Variants in CPSF3 observed in about 807,000 individuals in gnomAD.
The protein encoded by CPSF3 is cleavage and polyadenylation specific factor 3, also known as cleavage and polyadenylation specificity factor subunit 3.
CPSF3 carries 57 observed loss-of-function variants against 84.1 expected under a neutral mutation model. The observed-to-expected ratio is 0.68, with a 90% CI of 0.55 to 0.85. CPSF3 has a LOEUF of 0.85. Among genes scored for constraint, CPSF3 ranks in the 40% least tolerant of loss-of-function variants. CPSF3 has a pLI of 0.00. For missense variants in CPSF3, 522 were observed against 838.8 expected, an observed-to-expected ratio of 0.62 and a Z score of 4.66; for synonymous variants, 275 against 278.1, an observed-to-expected ratio of 0.99 and a Z score of 0.11.
chr2:9,468,527 G>A (rs1468040411), intron 16 of CPSF3, among the ~76,000 whole-genome samples: 7 of 151,798 alleles, frequency 4.6e-5, no homozygotes, highest in Non-Finnish European at 1.0e-4. Context: ...CCCATGAAAC[G>A]GTTTAACAAA....
At chr2:9,431,255 T>G (rs1424489017) in intron 4 of CPSF3, among the ~76,000 whole-genome samples, 1 of 152,212 alleles carries the variant, frequency 6.6e-6, no homozygotes, top group African/African-American at 2.4e-5. Context: ...TAGGGTCTTA[T>G]GTTGCCCAGG....
rs567333976 is a variant in CPSF3 at position 9,471,438 on chromosome 2, G to A, written c.1952G>A (p.Arg651Gln). ...ACTGCCAACCTTAACTTGGAGACAC[G>A]GGTATGTAGCTGCTCTTTCCTACGT... The part of the protein sequence containing the change: ...GKTANLNLET[R>Q]TVECEEGSED... The change falls in exon 17 of 18, where the codon CGG (arginine) becomes CAG (glutamine). Residue 651 changes from arginine to glutamine, a missense_variant and splice_region_variant. Physicochemically the swap from Arg to Gln is conservative, Grantham distance 43. This residue lies in a region of CPSF3 where 193 missense variants were observed against 231.6 expected (regional missense o/e 0.83). Transcript: ENST00000238112. 2.2e-5 allele frequency: 34 copies of A among 1,572,534 alleles called. 1 individual carries two copies. The highest frequency in any genetic ancestry group is 1.9e-4 in the South Asian group (17 of 90,238).
intron 8 of CPSF3, among the ~76,000 whole-genome samples, chr2:9,441,054 CTT>C (rs1680947270): frequency 6.6e-6 from 1 of 152,332 alleles, no homozygotes; most frequent in African/African-American, 2.4e-5. Context: ...ATACTCATCT[CTT>C]TTGCCGTAGG....
Position 9,459,515 on chromosome 2 carries a change from G to T in CPSF3, c.1699-16G>T. ...CCTAGGTAGGTCACTTCCTAATTCT[G>T]CCTTTTGCTTTCCAGTGGCTGGCAA... is the stretch of plus-strand genomic sequence containing the variant. On this transcript the variant is annotated splice_polypyrimidine_tract_variant and intron_variant, in intron 14 of 17. Coordinates refer to ENST00000238112, the MANE Select transcript of CPSF3 (RefSeq NM_016207.4). 1 of 1,591,900 alleles carries T rather than the reference G, an allele frequency of 6.3e-7. No homozygotes were observed. Among genetic ancestry groups the T allele is most frequent in the Non-Finnish European group, 8.6e-7 (1 of 1,160,192 alleles).
intron 7 of CPSF3, among the ~76,000 whole-genome samples, chr2:9,437,750 C>A (rs545821331): frequency 2.0e-4 from 30 of 152,300 alleles, no homozygotes; most frequent in African/African-American, 7.2e-4. Flanking sequence ...TCCCTAATTC[C>A]AGCACCTTGA....
intron 14 of CPSF3, 125 bp downstream of exon 14, chr2:9,457,152 T>C: frequency 2.9e-6 from 1 of 346,124 alleles, no homozygotes; most frequent in Admixed American, 4.8e-5. Flanking sequence ...AGTATATGTG[T>C]GTGTGTGTGT....
chr2:9,434,221 A>G (rs2148937452), intron 6 of CPSF3, among the ~76,000 whole-genome samples: 1 of 152,126 alleles, frequency 6.6e-6, no homozygotes, highest in East Asian at 1.9e-4. Flanking sequence ...TCTCTACTAA[A>G]AAAATACAAA....
At chr2:9,423,951 C>A (rs979597295) in intron 1 of CPSF3, 128 bp downstream of exon 1, 18 of 1,473,690 alleles carry the variant, frequency 1.2e-5, no homozygotes, top group Non-Finnish European at 1.4e-5. Flanking sequence ...TCCGCGCTTG[C>A]GGGCCAGGCT....
intron 10 of CPSF3, among the ~76,000 whole-genome samples, chr2:9,446,040 G>A (rs1245273067): frequency 6.6e-6 from 1 of 152,226 alleles, no homozygotes; most frequent in East Asian, 1.9e-4. Flanking sequence ...TAAATAAGCA[G>A]CAGCACCAGG....
intron 1 of CPSF3, among the ~76,000 whole-genome samples, chr2:9,425,352 C>G (rs150205075): frequency 5.3e-4 from 80 of 152,220 alleles, no homozygotes; most frequent in African/African-American, 1.9e-3. Flanking sequence ...ATTAAGCAAG[C>G]ATGGATATTG....
Position 9,471,411 on chromosome 2 carries a change from A to G in CPSF3, c.1925A>G (p.Lys642Arg). The G allele has an allele frequency of 6.2e-7, 1 of 1,611,404 alleles. No individual in the cohort carries two copies. The highest frequency in any genetic ancestry group is 8.5e-7 in the Non-Finnish European group (1 of 1,177,560). ...DSILSVTVDG[K>R]TANLNLETRT... Reference sequence around the variant, plus strand: ...ATTCTTAGCGTCACAGTGGACGGGAAAACTGCCAACCTTAACTTGGAGACA... The same window carrying G: ...ATTCTTAGCGTCACAGTGGACGGGAGAACTGCCAACCTTAACTTGGAGACA... The change falls in exon 17 of 18, where the codon AAA (lysine) becomes AGA (arginine). Residue 642 changes from lysine (K) to arginine (R), a missense_variant. Lys to Arg is a conservative substitution (Grantham distance 26). Transcript: ENST00000238112.
intron 16 of CPSF3, among the ~76,000 whole-genome samples, chr2:9,469,228 C>G (rs1486119174): frequency 6.6e-6 from 1 of 152,134 alleles, no homozygotes; most frequent in Non-Finnish European, 1.5e-5. Flanking sequence ...TTAGATCCTT[C>G]ACCCCTTTGG....
At chr2:9,437,018 T>C (rs1463492662) in intron 7 of CPSF3, among the ~76,000 whole-genome samples, 5 of 152,138 alleles carry the variant, frequency 3.3e-5, no homozygotes, top group African/African-American at 4.8e-5. Flanking sequence ...TGAGTAAATA[T>C]AGCATTGTAG....
At chr2:9,455,135 C>CT (rs5829212) in intron 12 of CPSF3, among the ~76,000 whole-genome samples, 234 of 135,502 alleles carry the variant, frequency 1.7e-3, no homozygotes, top group East Asian at 4.1e-3. Flanking sequence ...ACATGAGGTG[C>CT]TTTTTTTTTT....
chr2:9,433,781 T>C (rs537803125), intron 5 of CPSF3, 90 bp from the exon 6 acceptor site: 5 of 827,708 alleles, frequency 6.0e-6, no homozygotes, highest in Non-Finnish European at 1.0e-5. Flanking sequence ...AAACTGTAAC[T>C]GCACTTTTGG....
In CPSF3 at chr2:9,473,010, T is replaced by A. The variant is rs750236583; in HGVS notation, c.2048T>A (p.Val683Asp). Residue 683 changes from valine to aspartate, a missense_variant, in exon 18 of 18, where the codon GTT (valine) becomes GAT (aspartate). Physicochemically the swap from Val to Asp is radical, Grantham distance 152. Around this residue, in one of 2 missense-constraint regions of CPSF3, gnomAD observed 193 missense variants for 231.6 expected, o/e 0.83. Coordinates refer to ENST00000238112, the MANE Select transcript of CPSF3 (RefSeq NM_016207.4). Reference sequence around the variant, plus strand: ...AGACTGTACGAGGCCCTGACGCCAGTTCACTGAGACTGTGCCTGTATATGA... The same window carrying A: ...AGACTGTACGAGGCCCTGACGCCAGATCACTGAGACTGTGCCTGTATATGA... ...AQRLYEALTPVH is the reference protein window; with the variant it reads ...AQRLYEALTPDH The A allele has an allele frequency of 1.9e-6, 3 of 1,611,512 alleles. No individual in the cohort carries two copies. The highest frequency in any genetic ancestry group is 2.5e-6 in the Non-Finnish European group (3 of 1,177,882).
Position 9,466,422 on chromosome 2 carries a change from GCGCA to G in CPSF3, c.1787-1283_1787-1280del, listed in dbSNP as rs1466066244. On this transcript the variant is annotated intron_variant, in intron 15 of 17. Coordinates refer to ENST00000238112, the MANE Select transcript of CPSF3 (RefSeq NM_016207.4). ...CACACGCACGCGCACACACGCACAC[GCGCA>G]CACACGCGCACACACACAAAATTAG... 2.8e-3 allele frequency among the ~76,000 whole-genome samples: 387 copies of G among 140,346 alleles called. 4 individuals are homozygous for G. The highest frequency in any genetic ancestry group is 0.011 in the African/African-American group (364 of 33,806). The allele number at this position is 140,346 out of a possible 152,430, so 92.1% of individuals were successfully genotyped here.
At chr2:9,466,286 GCACACAGACGCATGCACACGCACACTGA>G (rs1681937119) in intron 15 of CPSF3, among the ~76,000 whole-genome samples, 1 of 116,488 alleles carries the variant, frequency 8.6e-6, no homozygotes, top group African/African-American at 3.1e-5. Flanking sequence ...ACACACGTGC[GCACACAGACGCATGCACACGCACACTGA>G]CGCACGCACA....
Position 9,459,307 on chromosome 2 carries a change from CTG to C in CPSF3, c.1699-220_1699-219del, listed in dbSNP as rs371003049. Among the ~76,000 whole-genome samples, 407 of 152,236 alleles carry C rather than the reference CTG, an allele frequency of 2.7e-3. 5 individuals are homozygous for C. Among genetic ancestry groups the C allele is most frequent in the African/African-American group, 9.1e-3 (376 of 41,526 alleles). ...ATTAAATGATAATGCCTATAAAACA[CTG>C]TGTCGAAAGGAAGTGCTCAGTACCA... On this transcript the variant is annotated intron_variant, in intron 14 of 17. Transcript: ENST00000238112.
Sources: allele counts gnomAD v4.1 joint callset (sites outside exome capture counted in the v4.1 genomes callset), GRCh38; gene constraint gnomAD v4.1.1; regional missense constraint gnomAD v4.1.1; transcripts MANE v1.5; gene names NCBI Gene and HGNC (gene_info 2026-07-23, HGNC 2026-07-21).